Variants in SLC41A2 observed in about 807,000 individuals in gnomAD.
SLC41A2 encodes SLC41A1-like 1.
A neutral mutation model predicts 58.3 loss-of-function variants in SLC41A2; 32 were observed. The ratio of observed to expected loss-of-function variants is 0.55; its 90% CI spans 0.41 to 0.74. The LOEUF (loss-of-function observed/expected upper bound fraction) is 0.74. Among genes scored for constraint, SLC41A2 ranks in the 30% least tolerant of loss-of-function variants. The pLI is 0.00. For missense variants in SLC41A2, 514 were observed against 680.6 expected, an observed-to-expected ratio of 0.76 and a Z score of 2.72; for synonymous variants, 190 against 235.0, an observed-to-expected ratio of 0.81 and a Z score of 1.75.
chr12:104,891,808 C>A (rs890475280), intron 4 of SLC41A2, among the ~76,000 whole-genome samples: 3 of 151,870 alleles, frequency 2.0e-5, no homozygotes, highest in African/African-American at 7.3e-5. Context: ...AAAGACTCCA[C>A]CAAAAAACTA....
At chr12:104,813,469 C>G (rs1396465537) in intron 10 of SLC41A2, among the ~76,000 whole-genome samples, 1 of 151,964 alleles carries the variant, frequency 6.6e-6, no homozygotes, top group East Asian at 1.9e-4. Flanking sequence ...GATAATTTCT[C>G]AAGTTAATAA....
chr12:104,949,924 T>G (rs1169524840), intron 1 of SLC41A2, among the ~76,000 whole-genome samples: 2 of 151,764 alleles, frequency 1.3e-5, no homozygotes, highest in African/African-American at 4.8e-5. Flanking sequence ...TTAGAGAAAT[T>G]GAGGGGAGGT....
At chr12:104,948,284 C>T (rs1323521516) in intron 1 of SLC41A2, among the ~76,000 whole-genome samples, 1 of 152,120 alleles carries the variant, frequency 6.6e-6, no homozygotes, top group East Asian at 1.9e-4. Flanking sequence ...TTGCTTCCTA[C>T]ATCATTTATA....
At chr12:104,895,405 TC>T in intron 3 of SLC41A2, 60 bp from the exon 4 acceptor site, 1 of 1,170,492 alleles carries the variant, frequency 8.5e-7, no homozygotes, top group Non-Finnish European at 1.3e-6. Context: ...TCTGCTGTGT[TC>T]AAACAGCACA....
At chr12:104,874,032 T>C (rs979058618) in intron 6 of SLC41A2, among the ~76,000 whole-genome samples, 3 of 151,848 alleles carry the variant, frequency 2.0e-5, no homozygotes, top group Non-Finnish European at 4.4e-5. Context: ...CTTTTAAATT[T>C]GGCGTAGTCT....
intron 6 of SLC41A2, among the ~76,000 whole-genome samples, chr12:104,883,609 G>A (rs549844511): frequency 6.6e-6 from 1 of 152,296 alleles, no homozygotes; most frequent in East Asian, 1.9e-4. Context: ...TTTGCTGGAG[G>A]TCCACTCCAG....
At chr12:104,957,177 TACA>T (rs147143687) in intron 1 of SLC41A2, among the ~76,000 whole-genome samples, 45,341 of 152,068 alleles carry the variant, frequency 0.3, 7,428 homozygotes, top group South Asian at 0.49. Context: ...GGTACACTGA[TACA>T]ACAATATTAA....
At chr12:104,805,568 C>T (rs1208221547) in intron 10 of SLC41A2, among the ~76,000 whole-genome samples, 1 of 152,176 alleles carries the variant, frequency 6.6e-6, no homozygotes. Context: ...TCATATAGAT[C>T]TCATTCTAGC....
At chr12:104,945,882 C>T (rs1480809562) in intron 1 of SLC41A2, among the ~76,000 whole-genome samples, 4 of 152,106 alleles carry the variant, frequency 2.6e-5, no homozygotes, top group African/African-American at 9.7e-5. Context: ...TACAAATGAA[C>T]CATCAACCTC....
chr12:104,863,808 A>C (rs2043301820), intron 7 of SLC41A2, among the ~76,000 whole-genome samples: 1 of 152,186 alleles, frequency 6.6e-6, no homozygotes, highest in Admixed American at 6.5e-5. Context: ...GCTGAGCCAC[A>C]GAGTGTATTA....
At chr12:104,915,608 T>C (rs963343250) in intron 2 of SLC41A2, among the ~76,000 whole-genome samples, 15 of 152,200 alleles carry the variant, frequency 9.9e-5, no homozygotes, top group African/African-American at 2.7e-4. Flanking sequence ...GTGATTTTTG[T>C]ACATTGATTT....
At chr12:104,911,944 A>G (rs1020429241) in intron 2 of SLC41A2, among the ~76,000 whole-genome samples, 1 of 152,220 alleles carries the variant, frequency 6.6e-6, no homozygotes, top group Non-Finnish European at 1.5e-5. Flanking sequence ...TTTCAAAGAC[A>G]TTGGTAGCAA....
intron 6 of SLC41A2, among the ~76,000 whole-genome samples, chr12:104,882,648 C>A (rs947703316): frequency 1.1e-4 from 17 of 152,290 alleles, no homozygotes; most frequent in African/African-American, 4.1e-4. Flanking sequence ...ATATTGGCCC[C>A]CACTCTCTTC....
chr12:104,898,626 A>G (rs1399145299), intron 3 of SLC41A2, among the ~76,000 whole-genome samples: 2 of 151,744 alleles, frequency 1.3e-5, no homozygotes, highest in East Asian at 3.8e-4. Context: ...GTGTATGGAT[A>G]ATTTTTAATT....
In SLC41A2 at chr12:104,895,150, T is replaced by C. The variant is rs566126692; in HGVS notation, c.735+124A>G. The stretch of plus-strand genomic sequence containing the variant: ...TCACTTTTTCAAGGTACTAAATTAT[T>C]GTTTTGGTGTTTCTGAAAACAATTA... On this transcript the variant is annotated intron_variant, in intron 4 of 10. Transcript: ENST00000258538. 9 of 601,998 alleles carry C rather than the reference T, an allele frequency of 1.5e-5. No individual in the cohort carries two copies. In the South Asian group the frequency reaches 1.9e-4, roughly 13 times the overall value. The allele number at this position is 601,998 out of a possible 1,614,324, so 37.3% of individuals were successfully genotyped here. A position where few individuals can be genotyped will look rare whatever the true frequency, so the allele number is the denominator to read the frequency against.
rs79964804 is a variant in SLC41A2, at chr12:104,911,968, G to A, written c.556-2206C>T. Among the ~76,000 whole-genome samples the A allele has an allele frequency of 7.1e-3, 1,083 of 152,216 alleles. 19 individuals carry two copies. Among genetic ancestry groups the A allele is most frequent in the African/African-American group, 0.024 (977 of 41,526 alleles). ...CATTGGTAGCAATGATGATAATGATGAATAACAGATAATAATAATAACAAA... is the reference window on the plus strand; with the variant it reads ...CATTGGTAGCAATGATGATAATGATAAATAACAGATAATAATAATAACAAA... On this transcript the variant is annotated intron_variant, in intron 2 of 10. Coordinates refer to ENST00000258538, the MANE Select transcript of SLC41A2 (RefSeq NM_001352171.3).
chr12:104,915,164 A>T (rs2046258727), intron 2 of SLC41A2, among the ~76,000 whole-genome samples: 1 of 152,250 alleles, frequency 6.6e-6, no homozygotes, highest in Non-Finnish European at 1.5e-5. Context: ...TAAATCCACA[A>T]GAATAAACAA....
intron 3 of SLC41A2, among the ~76,000 whole-genome samples, chr12:104,895,802 T>C (rs1372015019): frequency 4.6e-5 from 7 of 152,200 alleles, no homozygotes; most frequent in Non-Finnish European, 5.9e-5. Context: ...CAATTTATAT[T>C]TGAGTCACGA....
At chr12:104,877,603 A>T (rs1253629388) in intron 6 of SLC41A2, among the ~76,000 whole-genome samples, 1 of 152,194 alleles carries the variant, frequency 6.6e-6, no homozygotes, top group Non-Finnish European at 1.5e-5. Context: ...CAAATTATGT[A>T]TGCATCACTA....
Sources: gnomAD v4.1 joint callset for allele counts (sites outside exome capture counted in the v4.1 genomes callset) on GRCh38, gnomAD v4.1.1 for gene constraint, MANE v1.5 for transcripts, NCBI Gene and HGNC (gene_info 2026-07-23, HGNC 2026-07-21) for gene names.